Variants in PCDHA4 observed in about 807,000 individuals in gnomAD.
The protein encoded by PCDHA4 is protocadherin alpha 4.
In PCDHA4, 49 loss-of-function variants were observed where a neutral mutation model predicts 61.4. The ratio of observed to expected loss-of-function variants is 0.80; its 90% CI spans 0.63 to 1.01. PCDHA4 has a LOEUF of 1.01. Ranked by LOEUF, PCDHA4 falls within the 50% of genes least tolerant of loss-of-function variation. PCDHA4 has a pLI of 0.00. For synonymous variants in PCDHA4, 590 were observed against 550.3 expected, an observed-to-expected ratio of 1.07 and a Z score of -1.01; for missense variants, 1,254 against 1,235.8, an observed-to-expected ratio of 1.01 and a Z score of -0.22.
At chr5:140,875,304 A>AC in intron 1 of PCDHA4, 4 of 1,416,396 alleles carry the variant, frequency 2.8e-6, no homozygotes, top group Non-Finnish European at 3.7e-6. Flanking sequence ...TTTTCTCCGC[A>AC]CCCACATTCC....
intron 1 of PCDHA4, chr5:140,966,708 C>G (rs1033433543): frequency 7.2e-7 from 1 of 1,384,746 alleles, no homozygotes; most frequent in Non-Finnish European, 9.3e-7. Context: ...GCGTGGGGCA[C>G]GGCTGGGGAA....
At chr5:141,005,680 C>T (rs1389178600) in intron 3 of PCDHA4, among the ~76,000 whole-genome samples, 6 of 111,878 alleles carry the variant, frequency 5.4e-5, no homozygotes, top group East Asian at 2.8e-4. Flanking sequence ...CCAGCCTGGG[C>T]GACAGAGCGA....
Position 141,009,792 on chromosome 5 carries a change from C to G in PCDHA4, c.2699C>G (p.Pro900Arg), listed in dbSNP as rs1359138927. ...SPAIISIRQEPTNSQIDKSDF... is the reference protein window; with the variant it reads ...SPAIISIRQERTNSQIDKSDF... ...GCAATCATCTCCATCCGGCAGGAGC[C>G]TACTAACAGCCAAATTGACAAAAGT... The change falls in exon 4 of 4, where the codon CCT (proline) becomes CGT (arginine). Residue 900 changes from proline (P) to arginine (R), a missense_variant. Physicochemically the swap from Pro to Arg is moderately radical, Grantham distance 103. Coordinates refer to ENST00000530339, the MANE Select transcript of PCDHA4 (RefSeq NM_018907.4). The G allele has an allele frequency of 4.3e-6, 7 of 1,613,950 alleles. 1 individual carries two copies. Among genetic ancestry groups the G allele is most frequent in the Middle Eastern group, 3.3e-4 (2 of 6,084 alleles).
intron 3 of PCDHA4, among the ~76,000 whole-genome samples, chr5:140,995,405 T>G (rs1203404732): frequency 2.6e-5 from 4 of 152,154 alleles, no homozygotes; most frequent in African/African-American, 9.7e-5. Context: ...TGGCTCGAGA[T>G]TTCATCACAT....
At chr5:140,901,128 A>G (rs1429296842) in intron 1 of PCDHA4, among the ~76,000 whole-genome samples, 3 of 152,114 alleles carry the variant, frequency 2.0e-5, no homozygotes, top group South Asian at 2.1e-4. Flanking sequence ...TTAGATGGGT[A>G]GATTGTAAAT....
intron 1 of PCDHA4, among the ~76,000 whole-genome samples, chr5:140,893,569 A>G (rs750933580): frequency 3.3e-5 from 5 of 152,120 alleles, no homozygotes; most frequent in Non-Finnish European, 7.4e-5. Flanking sequence ...GTACTTCCTC[A>G]GTTTTTGCTT....
intron 1 of PCDHA4, among the ~76,000 whole-genome samples, chr5:140,961,519 A>G (rs246002): frequency 0.56 from 85,694 of 152,068 alleles, 24,757 homozygotes; most frequent in African/African-American, 0.69. Flanking sequence ...ATGTCTCCAC[A>G]AATTCTAGAT....
intron 3 of PCDHA4, among the ~76,000 whole-genome samples, chr5:140,987,227 AT>A (rs1395687024): frequency 4.6e-5 from 7 of 151,696 alleles, no homozygotes; most frequent in African/African-American, 1.7e-4. Context: ...AAAAAAAAAA[AT>A]AATAAATAAA....
chr5:140,815,561 C>G (rs2126665588), intron 1 of PCDHA4: 1 of 151,632 alleles, frequency 6.6e-6, no homozygotes, highest in Non-Finnish European at 1.5e-5. Flanking sequence ...TTTTTCTGTA[C>G]TTTTGTCTTT....
intron 1 of PCDHA4, among the ~76,000 whole-genome samples, chr5:140,897,966 T>C (rs1339473229): frequency 5.3e-5 from 8 of 152,276 alleles, no homozygotes; most frequent in African/African-American, 1.9e-4. Flanking sequence ...TTCATGTGTC[T>C]TTTGGCTGCA....
chr5:140,922,953 G>A (rs2081086867), intron 1 of PCDHA4, among the ~76,000 whole-genome samples: 1 of 152,168 alleles, frequency 6.6e-6, no homozygotes, highest in Non-Finnish European at 1.5e-5. Context: ...AATCCAGTTT[G>A]TCTTCAGCCA....
chr5:140,909,719 C>T (rs2074652522), intron 1 of PCDHA4, among the ~76,000 whole-genome samples: 1 of 152,130 alleles, frequency 6.6e-6, no homozygotes, highest in Non-Finnish European at 1.5e-5. Flanking sequence ...ATACCTATGC[C>T]AATTATGCAT....
rs373518493 is a variant in PCDHA4, at chr5:140,883,950, A to T, written c.2385+74378A>T. 129 of 1,613,288 alleles carry T rather than the reference A, an allele frequency of 8.0e-5. 1 individual carries two copies. In the East Asian group the frequency reaches 1.2e-3, roughly 15 times the overall value. Reference sequence around the variant, plus strand: ...GTGTTCGTGCTGGACGAGAACGACAACGCTCCGGCGCTGCTGACGCCCGGG... The same window carrying T: ...GTGTTCGTGCTGGACGAGAACGACATCGCTCCGGCGCTGCTGACGCCCGGG... On this transcript the variant is annotated intron_variant, in intron 1 of 3. Coordinates refer to ENST00000530339, the MANE Select transcript of PCDHA4 (RefSeq NM_018907.4).
intron 1 of PCDHA4, among the ~76,000 whole-genome samples, chr5:140,970,418 G>A (rs1377182658): frequency 6.6e-6 from 1 of 152,220 alleles, no homozygotes; most frequent in East Asian, 1.9e-4. Flanking sequence ...ACAGTAAGGT[G>A]TAGAGGCAGG....
At chr5:140,915,694 G>A (rs2077262169) in intron 1 of PCDHA4, among the ~76,000 whole-genome samples, 1 of 151,538 alleles carries the variant, frequency 6.6e-6, no homozygotes, top group African/African-American at 2.4e-5. Flanking sequence ...GTATGGTGAT[G>A]CAAGCACTCC....
At chr5:140,815,777 T>C (rs1554126875) in intron 1 of PCDHA4, 1 of 152,220 alleles carries the variant, frequency 6.6e-6, no homozygotes, top group African/African-American at 2.4e-5. Flanking sequence ...CTAATTGTGA[T>C]CACCTTCAGC....
intron 1 of PCDHA4, among the ~76,000 whole-genome samples, chr5:140,896,590 T>G (rs1338982892): frequency 6.6e-6 from 1 of 152,032 alleles, no homozygotes; most frequent in Non-Finnish European, 1.5e-5. Flanking sequence ...TTGGCCAGGC[T>G]GGTCTCGAAC....
intron 1 of PCDHA4, among the ~76,000 whole-genome samples, chr5:140,878,826 C>G (rs1048428036): frequency 1.3e-5 from 2 of 152,182 alleles, no homozygotes; most frequent in Non-Finnish European, 2.9e-5. Flanking sequence ...CTATGTTGCA[C>G]AGGCTGGACT....
intron 1 of PCDHA4, among the ~76,000 whole-genome samples, chr5:140,878,522 C>A (rs1237264420): frequency 6.6e-6 from 1 of 152,072 alleles, no homozygotes; most frequent in Non-Finnish European, 1.5e-5. Flanking sequence ...AGTTGGTAAC[C>A]AACTGTGGCT....
Sources: gnomAD v4.1 joint callset for allele counts (sites outside exome capture counted in the v4.1 genomes callset) on GRCh38, gnomAD v4.1.1 for gene constraint, MANE v1.5 for transcripts, NCBI Gene and HGNC (gene_info 2026-07-23, HGNC 2026-07-21) for gene names.